The following LAMA1 variants were observed in gnomAD, a reference collection of about 807,000 sequenced individuals.
LAMA1 encodes laminin subunit alpha-1.
LAMA1 carries 219 observed loss-of-function variants against 348.7 expected under a neutral mutation model. The observed-to-expected ratio is 0.63, with a 90% confidence interval of 0.56 to 0.70. LAMA1 has a LOEUF of 0.70. Ranked by LOEUF, LAMA1 falls within the 30% of genes least tolerant of loss-of-function variation. The pLI is 0.00. For missense variants in LAMA1, 3,744 were observed against 3,888.0 expected (o/e 0.96, Z 0.99); for synonymous variants, 1,487 against 1,491.0 (o/e 1.00, Z 0.06).
intron 1 of LAMA1, among the ~76,000 whole-genome samples, chr18:7,091,723 A>C (rs139794060): frequency 2.1e-4 from 32 of 152,340 alleles, no homozygotes; most frequent in Non-Finnish European, 4.0e-4. Flanking sequence ...GAAATGTTTA[A>C]TAATTTAAAG....
At chr18:6,972,103 C>T in intron 47 of LAMA1, 122 bp from the exon 48 acceptor site, 7 of 1,201,054 alleles carry the variant, frequency 5.8e-6, no homozygotes, top group Non-Finnish European at 8.4e-6. Flanking sequence ...TTTGAGAGAG[C>T]CACATTAGAA....
intron 36 of LAMA1, among the ~76,000 whole-genome samples, chr18:6,991,246 A>C (rs2057757030): frequency 6.6e-6 from 1 of 152,164 alleles, no homozygotes; most frequent in South Asian, 2.1e-4. Flanking sequence ...TATGATGAAA[A>C]AAGACACATA....
intron 48 of LAMA1, among the ~76,000 whole-genome samples, chr18:6,967,775 T>TGGCCCTTCCCTCTCCAGAGCCCGTG (rs2057640175): frequency 6.6e-6 from 1 of 152,026 alleles, no homozygotes; most frequent in African/African-American, 2.4e-5. Context: ...CCTCAGTGCA[T>TGGCCCTTCCCTCTCCAGAGCCCGTG]GGCCCTTCCC....
intron 19 of LAMA1, among the ~76,000 whole-genome samples, chr18:7,022,267 T>G (rs2057921369): frequency 6.6e-6 from 1 of 152,164 alleles, no homozygotes; most frequent in Admixed American, 6.5e-5. Context: ...TCACCAAGGC[T>G]TGCAGTAATG....
At chr18:7,041,250 T>C (rs1023216991) in intron 9 of LAMA1, among the ~76,000 whole-genome samples, 1 of 152,250 alleles carries the variant, frequency 6.6e-6, no homozygotes, top group Admixed American at 6.5e-5. Flanking sequence ...GTTAACCTTC[T>C]TGACTGCTCT....
intron 39 of LAMA1, among the ~76,000 whole-genome samples, 189 bp downstream of exon 39, chr18:6,985,048 C>T (rs760851505): frequency 2.0e-5 from 3 of 152,162 alleles, no homozygotes; most frequent in South Asian, 2.1e-4. Flanking sequence ...CATTTTTCCA[C>T]CATATATGTA....
chr18:7,115,265 T>G (rs899936903), intron 1 of LAMA1, among the ~76,000 whole-genome samples: 1 of 152,192 alleles, frequency 6.6e-6, no homozygotes, highest in African/African-American at 2.4e-5. Flanking sequence ...GTAGATTTTT[T>G]TCTGTCCTTA....
chr18:6,947,138 AC>A (rs2057525347), intron 61 of LAMA1, 24 bp downstream of exon 61: 1 of 1,613,904 alleles, frequency 6.2e-7, no homozygotes, highest in African/African-American at 1.3e-5. Context: ...GGGGAGGAAG[AC>A]CCTCATGGAG....
At chr18:7,023,020 G>C in intron 19 of LAMA1, 144 bp downstream of exon 19, 1 of 868,036 alleles carries the variant, frequency 1.2e-6, no homozygotes, top group Non-Finnish European at 1.8e-6. Flanking sequence ...GTCTGTATTT[G>C]ATCAGAGACC....
At position 6,947,151 on chromosome 18, in the gene LAMA1, G is replaced by A. The variant is rs759392192; in HGVS notation, c.8844+12C>T. On this transcript the variant is annotated intron_variant, in intron 61 of 62. Coordinates refer to ENST00000389658, the MANE Select transcript of LAMA1 (RefSeq NM_005559.4). Reference sequence around the variant, plus strand: ...GGGGGGAGGAAGACCCTCATGGAGAGGAAGCACCCACCTTGCCGTCCACAA... The same window carrying A: ...GGGGGGAGGAAGACCCTCATGGAGAAGAAGCACCCACCTTGCCGTCCACAA... 1.2e-6 allele frequency: 2 copies of A among 1,614,188 alleles called. No individual in the cohort carries two copies. Among genetic ancestry groups the A allele is most frequent in the Middle Eastern group, 3.3e-4 (2 of 6,062 alleles).
intron 8 of LAMA1, chr18:7,042,752 A>T: frequency 4.8e-6 from 1 of 208,106 alleles, no homozygotes; most frequent in Non-Finnish European, 9.8e-6. Flanking sequence ...GTGTGGTGGA[A>T]CATGCCTGTA....
intron 1 of LAMA1, among the ~76,000 whole-genome samples, chr18:7,088,376 G>A (rs565077355): frequency 6.6e-6 from 1 of 152,150 alleles, no homozygotes; most frequent in Non-Finnish European, 1.5e-5. Context: ...CGTAAGCCGA[G>A]AAGGGAAAGC....
chr18:6,992,509 G>GT, intron 36 of LAMA1, 52 bp downstream of exon 36: 1 of 1,581,130 alleles, frequency 6.3e-7, no homozygotes, highest in Non-Finnish European at 8.7e-7. Flanking sequence ...GAGATAGCGT[G>GT]CAAGTTTCTC....
At chr18:7,110,931 T>A (rs1307895166) in intron 1 of LAMA1, among the ~76,000 whole-genome samples, 24 of 147,660 alleles carry the variant, frequency 1.6e-4, no homozygotes, top group African/African-American at 5.4e-4. Context: ...CTAAAAATCA[T>A]CTGCTAAATT....
intron 9 of LAMA1, 101 bp from the exon 10 acceptor site, chr18:7,040,337 T>C: frequency 7.7e-7 from 1 of 1,291,140 alleles, no homozygotes; most frequent in Non-Finnish European, 1.1e-6. Flanking sequence ...GTATCTATTT[T>C]AGGCTTTTTG....
chr18:7,000,101 T>C, intron 30 of LAMA1, 104 bp from the exon 31 acceptor site: 1 of 838,634 alleles, frequency 1.2e-6, no homozygotes, highest in Non-Finnish European at 2.0e-6. Context: ...GGTCTCAAAG[T>C]TATGTGATTA....
chr18:7,014,112 A>G (rs983155408), intron 22 of LAMA1, 61 bp from the exon 23 acceptor site: 1 of 1,265,310 alleles, frequency 7.9e-7, no homozygotes. Flanking sequence ...AAATGCACAC[A>G]TATTTGAATT....
At chr18:6,961,407 A>G (rs910836010) in intron 53 of LAMA1, among the ~76,000 whole-genome samples, 179 bp downstream of exon 53, 3 of 152,232 alleles carry the variant, frequency 2.0e-5, no homozygotes, top group African/African-American at 7.2e-5. Context: ...AATATGAGAA[A>G]TCATTGATTC....
chr18:7,070,809 C>T (rs905084709), intron 3 of LAMA1, among the ~76,000 whole-genome samples: 3 of 151,192 alleles, frequency 2.0e-5, no homozygotes, highest in Admixed American at 6.6e-5. Context: ...TTTTTACTCA[C>T]AAATCTGACC....
Sources: gnomAD v4.1 joint callset for allele counts (sites outside exome capture counted in the v4.1 genomes callset) on GRCh38, gnomAD v4.1.1 for gene constraint, MANE v1.5 for transcripts, NCBI Gene and HGNC (gene_info 2026-07-23, HGNC 2026-07-21) for gene names.